RERG: variants seen among roughly 807,000 people sequenced by gnomAD.
RERG encodes RAS like estrogen regulated growth inhibitor.
Under a neutral mutation model 23.2 loss-of-function variants are expected in RERG, and 25 were observed. That is an observed-to-expected ratio of 1.08 (90% CI 0.79 to 1.50). RERG has a LOEUF of 1.50. RERG is among the 40% of genes most tolerant of loss of function. The pLI is 0.00. For synonymous variants in RERG, 81 were observed against 89.1 expected (o/e 0.91, Z 0.51); for missense variants, 253 against 250.1 (o/e 1.01, Z -0.08).
chr12:15,139,456 T>G (rs1170647455), intron 2 of RERG, among the ~76,000 whole-genome samples: 2 of 152,172 alleles, frequency 1.3e-5, no homozygotes, highest in Non-Finnish European at 1.5e-5. Context: ...TCTGTGAACA[T>G]GCAGTATCTC....
chr12:15,117,592 G>A (rs1186231595), intron 3 of RERG, among the ~76,000 whole-genome samples: 1 of 151,974 alleles, frequency 6.6e-6, no homozygotes. Context: ...CAAACACAGT[G>A]CCTCCAAGGT....
chr12:15,193,904 G>A (rs147115184), intron 2 of RERG, among the ~76,000 whole-genome samples: 25 of 152,194 alleles, frequency 1.6e-4, no homozygotes, highest in African/African-American at 5.8e-4. Flanking sequence ...AACGATTCAG[G>A]TTATTATTAA....
chr12:15,151,623 T>C (rs1864444083), intron 2 of RERG, among the ~76,000 whole-genome samples: 1 of 152,162 alleles, frequency 6.6e-6, no homozygotes, highest in Non-Finnish European at 1.5e-5. Flanking sequence ...AAGGTAGAAA[T>C]CTTTCAGGTG....
At chr12:15,204,974 A>C (rs1865264134) in intron 2 of RERG, among the ~76,000 whole-genome samples, 1 of 151,980 alleles carries the variant, frequency 6.6e-6, no homozygotes, top group South Asian at 2.1e-4. Flanking sequence ...GTGTATCTAC[A>C]TCAATTTCCT....
At chr12:15,210,526 T>C (rs973337758) in intron 2 of RERG, among the ~76,000 whole-genome samples, 16 of 152,230 alleles carry the variant, frequency 1.1e-4, no homozygotes, top group African/African-American at 3.9e-4. Context: ...ATTGTCAACC[T>C]GCAAAGTACT....
chr12:15,203,599 G>A (rs1373173579), intron 2 of RERG, among the ~76,000 whole-genome samples: 1 of 151,434 alleles, frequency 6.6e-6, no homozygotes, highest in Non-Finnish European at 1.5e-5. Context: ...GGAATAAAAG[G>A]CATCCAAATA....
intron 2 of RERG, among the ~76,000 whole-genome samples, chr12:15,182,075 T>TTTA (rs1864931573): frequency 6.7e-6 from 1 of 148,638 alleles, no homozygotes; most frequent in African/African-American, 2.5e-5. Flanking sequence ...TTTTTTTTTT[T>TTTA]GAGATGGAGT....
chr12:15,142,280 T>C (rs1279627734), intron 2 of RERG, among the ~76,000 whole-genome samples: 1 of 152,202 alleles, frequency 6.6e-6, no homozygotes, highest in East Asian at 1.9e-4. Flanking sequence ...CTTATGTTCA[T>C]TTCAACACAA....
intron 2 of RERG, among the ~76,000 whole-genome samples, chr12:15,148,359 GGT>G (rs199512131): frequency 0.02 from 2,976 of 152,220 alleles, 50 homozygotes; most frequent in Middle Eastern, 0.061. Flanking sequence ...AAAACAAGAA[GGT>G]GTGAATAAAG....
intron 2 of RERG, among the ~76,000 whole-genome samples, chr12:15,169,034 G>A (rs1864736330): frequency 6.6e-6 from 1 of 152,160 alleles, no homozygotes; most frequent in Non-Finnish European, 1.5e-5. Flanking sequence ...TGACTCTGGA[G>A]ATGAAAGGTT....
At chr12:15,187,632 C>G (rs1415281328) in intron 2 of RERG, among the ~76,000 whole-genome samples, 2 of 151,344 alleles carry the variant, frequency 1.3e-5, no homozygotes, top group Non-Finnish European at 2.9e-5. Flanking sequence ...AATCTTGGCT[C>G]ACTGCAACAT....
At chr12:15,170,452 A>C (rs1864762034) in intron 2 of RERG, among the ~76,000 whole-genome samples, 1 of 152,134 alleles carries the variant, frequency 6.6e-6, no homozygotes, top group Admixed American at 6.6e-5. Context: ...TTTTAAAAAA[A>C]AGAAAAATTA....
chr12:15,173,746 ATTG>A (rs1428812131), intron 2 of RERG, among the ~76,000 whole-genome samples: 8 of 151,756 alleles, frequency 5.3e-5, no homozygotes, highest in African/African-American at 1.4e-4. Context: ...TGTTAATAAA[ATTG>A]TTTTCTTAAT....
At chr12:15,204,319 G>C (rs1304420916) in intron 2 of RERG, among the ~76,000 whole-genome samples, 2 of 151,724 alleles carry the variant, frequency 1.3e-5, no homozygotes, top group African/African-American at 4.8e-5. Context: ...ATTATAAAAA[G>C]GATAGTCTCT....
At chr12:15,143,605 C>G (rs1259778216) in intron 2 of RERG, among the ~76,000 whole-genome samples, 1 of 152,086 alleles carries the variant, frequency 6.6e-6, no homozygotes. Context: ...ATTGATTGAG[C>G]AGCTACAATG....
chr12:15,109,111 T>C lies in RERG; in HGVS notation c.599A>G (p.Ter200TrpextTer9), dbSNP rs1384218961. 6.3e-7 allele frequency: 1 copy of C among 1,580,760 alleles called. No homozygotes were observed. The highest frequency in any genetic ancestry group is 8.6e-7 in the Non-Finnish European group (1 of 1,163,292). ...INKMLTKISS* is the reference protein window; with the variant it reads ...INKMLTKISSW ...GTTGGTCCACCTCAGCTGGGCTGCC[T>C]AACTACTGATTTTGGTGAGCATCTT... Residue 200 changes from the stop codon to tryptophan (W), a stop_lost, in exon 5 of 5, where the codon TAG (stop) becomes TGG (tryptophan). Transcript: ENST00000256953.
intron 2 of RERG, among the ~76,000 whole-genome samples, chr12:15,142,369 C>T (rs1201862382): frequency 6.6e-6 from 1 of 152,194 alleles, no homozygotes; most frequent in Non-Finnish European, 1.5e-5. Flanking sequence ...CAAAATCTAA[C>T]AGCTATACAA....
intron 2 of RERG, among the ~76,000 whole-genome samples, chr12:15,192,793 A>G (rs1050475323): frequency 6.6e-6 from 1 of 152,128 alleles, no homozygotes; most frequent in African/African-American, 2.4e-5. Flanking sequence ...ACACTTTTAA[A>G]GAGTACTGGC....
chr12:15,211,284 TACACACACACACAC>T lies in RERG; in HGVS notation c.61+6131_61+6144del, dbSNP rs56263472. On this transcript the variant is annotated intron_variant, in intron 2 of 4. Coordinates refer to ENST00000256953, the MANE Select transcript of RERG (RefSeq NM_032918.3). Reference sequence around the variant, plus strand: ...AAATGGATTTTAGAATGTCATTTTATACACACACACACACACACACACACACACACACACACACA... The same window carrying T: ...AAATGGATTTTAGAATGTCATTTTATACACACACACACACACACACACACA... Among the ~76,000 whole-genome samples the T allele has an allele frequency of 8.4e-4, 120 of 142,872 alleles. 1 individual carries two copies. The highest frequency in any genetic ancestry group is 2.5e-3 in the African/African-American group (97 of 38,070). 93.7% of individuals were successfully genotyped at this position (142,872 alleles called of 152,430 possible). A position where few individuals can be genotyped will look rare whatever the true frequency, so the allele number is the denominator to read the frequency against.
Sources: gnomAD v4.1 joint callset for allele counts (sites outside exome capture counted in the v4.1 genomes callset) on GRCh38, gnomAD v4.1.1 for gene constraint, MANE v1.5 for transcripts, NCBI Gene and HGNC (gene_info 2026-07-23, HGNC 2026-07-21) for gene names.